HCN1: variants seen among roughly 807,000 people sequenced by gnomAD.
HCN1 encodes potassium/sodium hyperpolarization-activated cyclic nucleotide-gated channel 1.
A neutral mutation model predicts 78.9 loss-of-function variants in HCN1; 13 were observed. The ratio of observed to expected loss-of-function variants is 0.16; its 90% CI spans 0.11 to 0.26. The LOEUF is 0.26. HCN1 is among the 10% of genes least tolerant of loss of function. HCN1 has a pLI of 1.00. For missense variants in HCN1, 810 were observed against 1,154.3 expected (o/e 0.70, Z 4.32); for synonymous variants, 552 against 455.5 (o/e 1.21, Z -2.70).
At chr5:45,381,019 G>C (rs1747798350) in intron 4 of HCN1, among the ~76,000 whole-genome samples, 1 of 152,094 alleles carries the variant, frequency 6.6e-6, no homozygotes, top group Admixed American at 6.6e-5. Context: ...CATTGAAGGA[G>C]AGTTGTTATG....
chr5:45,344,933 T>A (rs1474511882), intron 5 of HCN1, among the ~76,000 whole-genome samples: 1 of 152,050 alleles, frequency 6.6e-6, no homozygotes, highest in African/African-American at 2.4e-5. Flanking sequence ...CCTGTGGGGG[T>A]TCTGACCTCA....
At chr5:45,349,406 C>G (rs547438753) in intron 5 of HCN1, among the ~76,000 whole-genome samples, 45 of 151,990 alleles carry the variant, frequency 3.0e-4, no homozygotes, top group Non-Finnish European at 6.2e-4. Flanking sequence ...CACTAAATGC[C>G]CACAAGAGAA....
chr5:45,348,542 A>C (rs568833242), intron 5 of HCN1, among the ~76,000 whole-genome samples: 4 of 152,344 alleles, frequency 2.6e-5, no homozygotes, highest in Admixed American at 1.3e-4. Flanking sequence ...TAAATGGACT[A>C]AATGCTCCAA....
intron 2 of HCN1, among the ~76,000 whole-genome samples, chr5:45,548,815 A>C (rs1023079193): frequency 1.1e-4 from 16 of 151,652 alleles, no homozygotes; most frequent in Admixed American, 3.9e-4. Context: ...ATACAAAATC[A>C]ATGTACAAAA....
intron 2 of HCN1, among the ~76,000 whole-genome samples, chr5:45,538,523 A>C (rs1210974108): frequency 6.6e-6 from 1 of 152,182 alleles, no homozygotes; most frequent in Non-Finnish European, 1.5e-5. Context: ...CCAAGGTTAC[A>C]TAGTAAGTAA....
At chr5:45,305,789 GGAA>G (rs1383545707) in intron 5 of HCN1, among the ~76,000 whole-genome samples, 3 of 143,560 alleles carry the variant, frequency 2.1e-5, no homozygotes, top group African/African-American at 7.8e-5. Context: ...AAGGAAGGAA[GGAA>G]GGAGGGAAAG....
intron 5 of HCN1, among the ~76,000 whole-genome samples, chr5:45,319,080 A>T (rs1746067584): frequency 1.3e-5 from 2 of 152,124 alleles, no homozygotes; most frequent in Admixed American, 1.3e-4. Context: ...CAATTTATTT[A>T]TCCATTCTAC....
chr5:45,278,454 C>T (rs1384292622), intron 6 of HCN1, among the ~76,000 whole-genome samples: 1 of 152,082 alleles, frequency 6.6e-6, no homozygotes, highest in South Asian at 2.1e-4. Flanking sequence ...ATCAAGAAAA[C>T]ATTCACACTT....
intron 2 of HCN1, among the ~76,000 whole-genome samples, chr5:45,497,089 C>CT (rs1208110562): frequency 2.0e-5 from 3 of 152,176 alleles, no homozygotes; most frequent in East Asian, 1.9e-4. Flanking sequence ...AATTTCTGTT[C>CT]TTTAAATTTG....
chr5:45,459,132 G>C (rs1452682336), intron 3 of HCN1, among the ~76,000 whole-genome samples: 1 of 151,810 alleles, frequency 6.6e-6, no homozygotes, highest in East Asian at 1.9e-4. Flanking sequence ...GGCCAGGCAT[G>C]ATGGCTCATG....
At chr5:45,395,746 T>C (rs530184626) in intron 4 of HCN1, among the ~76,000 whole-genome samples, 1 of 152,272 alleles carries the variant, frequency 6.6e-6, no homozygotes, top group African/African-American at 2.4e-5. Flanking sequence ...TAATTTAAAA[T>C]ATTCTTATTT....
At chr5:45,305,871 G>GAGGA (rs371250856) in intron 5 of HCN1, among the ~76,000 whole-genome samples, 1,745 of 148,992 alleles carry the variant, frequency 0.012, 29 homozygotes, top group African/African-American at 0.041. Flanking sequence ...AGGAGGGAGG[G>GAGGA]AGGAAGGAAG....
intron 2 of HCN1, among the ~76,000 whole-genome samples, chr5:45,615,574 C>T (rs1172383606): frequency 1.3e-5 from 2 of 151,912 alleles, no homozygotes; most frequent in African/African-American, 4.8e-5. Flanking sequence ...CTAGCCTCTT[C>T]TCACAATTCT....
chr5:45,390,115 C>A (rs1739503360), intron 4 of HCN1, among the ~76,000 whole-genome samples: 2 of 152,124 alleles, frequency 1.3e-5, no homozygotes, highest in Non-Finnish European at 2.9e-5. Context: ...AGAATTTGGA[C>A]ATTTTTCTGA....
chr5:45,422,111 G>A (rs975034168), intron 3 of HCN1, among the ~76,000 whole-genome samples: 3 of 152,116 alleles, frequency 2.0e-5, no homozygotes, highest in African/African-American at 7.2e-5. Context: ...GTGGAAGAAA[G>A]GAATAAAAAC....
At chr5:45,374,025 ATAT>A (rs1747514986) in intron 4 of HCN1, among the ~76,000 whole-genome samples, 1 of 110,786 alleles carries the variant, frequency 9.0e-6, no homozygotes, top group African/African-American at 3.7e-5. Flanking sequence ...TATATTATAT[ATAT>A]TATATACATA....
chr5:45,312,061 G>A (rs1238342028), intron 5 of HCN1, among the ~76,000 whole-genome samples: 1 of 152,194 alleles, frequency 6.6e-6, no homozygotes, highest in African/African-American at 2.4e-5. Context: ...CTTAAAAGAT[G>A]ACATGAGATA....
intron 2 of HCN1, among the ~76,000 whole-genome samples, chr5:45,600,852 A>C (rs753516662): frequency 6.6e-6 from 1 of 152,300 alleles, no homozygotes; most frequent in Middle Eastern, 3.4e-3. Flanking sequence ...TTCCTGCAAA[A>C]ATAGTATTTA....
chr5:45,534,290 G>A (rs762184913), intron 2 of HCN1, among the ~76,000 whole-genome samples: 2 of 150,750 alleles, frequency 1.3e-5, no homozygotes, highest in East Asian at 2.0e-4. Context: ...CCAGCTACTC[G>A]GAGGCTGAGG....
Sources: allele counts gnomAD v4.1 joint callset (sites outside exome capture counted in the v4.1 genomes callset), GRCh38; gene constraint gnomAD v4.1.1; transcripts MANE v1.5; gene names NCBI Gene and HGNC (gene_info 2026-07-23, HGNC 2026-07-21).